The following HSDL2 variants were observed in gnomAD, a reference collection of about 807,000 sequenced individuals.
HSDL2 encodes hydroxysteroid dehydrogenase like 2, also known as hydroxysteroid dehydrogenase-like protein 2.
A neutral mutation model predicts 46.3 loss-of-function variants in HSDL2; 27 were observed. The ratio of observed to expected loss-of-function variants is 0.58; its 90% CI spans 0.43 to 0.80. The LOEUF (loss-of-function observed/expected upper bound fraction) is 0.80. Ranked by LOEUF, HSDL2 falls within the 30% of genes least tolerant of loss-of-function variation. The probability of loss-of-function intolerance (pLI) is 0.00; values close to 1 mark genes in which losing one functional copy is unlikely to be tolerated. For missense variants in HSDL2, 451 were observed against 502.7 expected (o/e 0.90, Z 0.98); for synonymous variants, 153 against 163.6 (o/e 0.94, Z 0.50).
At chr9:112,416,417 C>T (rs890074630) in intron 4 of HSDL2, among the ~76,000 whole-genome samples, 1 of 148,926 alleles carries the variant, frequency 6.7e-6, no homozygotes, top group East Asian at 2.0e-4. Flanking sequence ...AACAGAGAGA[C>T]CCTGTCTTAA....
intron 9 of HSDL2, among the ~76,000 whole-genome samples, chr9:112,457,062 C>T (rs7872686): frequency 0.96 from 145,373 of 152,112 alleles, 69,525 homozygotes; most frequent in African/African-American, 0.98. Context: ...GCAGGAGAAT[C>T]GCTTGAACCC....
intron 4 of HSDL2, among the ~76,000 whole-genome samples, chr9:112,415,323 G>A (rs1473184985): frequency 6.6e-6 from 1 of 152,102 alleles, no homozygotes; most frequent in Non-Finnish European, 1.5e-5. Context: ...ACTAACAACA[G>A]CGATTGTTTA....
At chr9:112,447,272 AATCT>A (rs2062265667) in intron 8 of HSDL2, among the ~76,000 whole-genome samples, 1 of 152,058 alleles carries the variant, frequency 6.6e-6, no homozygotes, top group Non-Finnish European at 1.5e-5. Context: ...GCACCTTTAA[AATCT>A]ATCACAGGTT....
chr9:112,385,257 C>T (rs1831191120), intron 1 of HSDL2, among the ~76,000 whole-genome samples: 1 of 152,018 alleles, frequency 6.6e-6, no homozygotes. Flanking sequence ...AAATGATAGG[C>T]CAGAAATTAA....
chr9:112,391,518 A>T (rs1831343455), intron 1 of HSDL2, among the ~76,000 whole-genome samples: 1 of 152,196 alleles, frequency 6.6e-6, no homozygotes, highest in Non-Finnish European at 1.5e-5. Flanking sequence ...AAAATAGTGA[A>T]AAAGCAAGCC....
chr9:112,450,515 G>T (rs949488284), intron 8 of HSDL2, among the ~76,000 whole-genome samples: 1 of 151,218 alleles, frequency 6.6e-6, no homozygotes, highest in Non-Finnish European at 1.5e-5. Context: ...TGTAATCCCA[G>T]CTATTCGGGA....
At chr9:112,381,088 T>TACACAC (rs111459650) in intron 1 of HSDL2, among the ~76,000 whole-genome samples, 2,401 of 134,212 alleles carry the variant, frequency 0.018, 65 homozygotes, top group African/African-American at 0.055. Flanking sequence ...TACATCCGGA[T>TACACAC]ACACACACAC....
At position 112,457,481 on chromosome 9, in the gene HSDL2, A is replaced by C. The variant is rs186177561; in HGVS notation, c.1016-1968A>C. On this transcript the variant is annotated intron_variant, in intron 9 of 10. Coordinates refer to ENST00000398805, the MANE Select transcript of HSDL2 (RefSeq NM_032303.5). ...CATAGTGAGACCCTGTCTCTACAAA[A>C]ATAAAAATAAAAAATTAGCTGGATC... 3.7e-3 allele frequency among the ~76,000 whole-genome samples: 554 copies of C among 151,772 alleles called. 2 individuals are homozygous for C. Among genetic ancestry groups the C allele is most frequent in the Non-Finnish European group, 6.5e-3 (440 of 67,884 alleles).
rs956257229 is a variant in HSDL2 at position 112,405,559 on chromosome 9, A to G, written c.182-65A>G. The G allele has an allele frequency of 1.5e-5, 17 of 1,134,992 alleles. No homozygotes were observed. The African/African-American group carries it at 1.9e-4, about 13-fold the overall frequency. 70.3% of individuals were successfully genotyped at this position (1,134,992 alleles called of 1,614,324 possible). A position where few individuals can be genotyped will look rare whatever the true frequency, so the allele number is the denominator to read the frequency against. ...GGTACTTTTTTCTTTTGACTGTGAT[A>G]TTGGAATTAAAGGTATAATATTTAA... On this transcript the variant is annotated intron_variant, in intron 2 of 10. Coordinates refer to ENST00000398805, the MANE Select transcript of HSDL2 (RefSeq NM_032303.5).
At position 112,471,111 on chromosome 9, in the gene HSDL2, A is replaced by G. The variant is rs1444934925; in HGVS notation, c.*567A>G. On this transcript the variant is annotated 3_prime_UTR_variant, in exon 11 of 11. Transcript: ENST00000398805. ...TCCAGGTGGACTTAGCCATAGGAAA[A>G]TATTACTAATGTAATTTAACAAATT... The G allele has an allele frequency of 6.6e-6, 1 of 152,248 alleles. No individual in the cohort carries two copies. The highest frequency in any genetic ancestry group is 2.4e-5 in the African/African-American group (1 of 41,462). 9.4% of individuals were successfully genotyped at this position (152,248 alleles called of 1,614,324 possible). A position where few individuals can be genotyped will look rare whatever the true frequency, so the allele number is the denominator to read the frequency against.
intron 3 of HSDL2, among the ~76,000 whole-genome samples, chr9:112,408,096 C>CAGT (rs1831770942): frequency 6.6e-6 from 1 of 152,116 alleles, no homozygotes; most frequent in Non-Finnish European, 1.5e-5. Flanking sequence ...GGGATTGAAA[C>CAGT]AGTAGGTCTT....
At chr9:112,434,096 C>A (rs140941127) in intron 6 of HSDL2, 5 of 152,174 alleles carry the variant, frequency 3.3e-5, no homozygotes, top group Admixed American at 6.6e-5. Flanking sequence ...TTTTATAAGA[C>A]CTGTTTCATG....
chr9:112,382,245 A>G (rs1441950149), intron 1 of HSDL2, among the ~76,000 whole-genome samples: 3 of 152,206 alleles, frequency 2.0e-5, no homozygotes, highest in African/African-American at 7.2e-5. Flanking sequence ...ACCCTGCGAG[A>G]GAGAGTGAGA....
chr9:112,431,940 T>C (rs7029933), intron 6 of HSDL2, among the ~76,000 whole-genome samples: 148,863 of 150,122 alleles, frequency 0.99, 73,811 homozygotes, highest in Middle Eastern at 1. Context: ...AGTGCAGTGG[T>C]GCGATCTCAG....
intron 9 of HSDL2, among the ~76,000 whole-genome samples, chr9:112,458,597 G>A (rs1246950185): frequency 6.6e-6 from 1 of 151,902 alleles, no homozygotes; most frequent in Non-Finnish European, 1.5e-5. Context: ...AAAGAGTCAG[G>A]ATTACAGGTA....
At position 112,471,293 on chromosome 9, in the gene HSDL2, A is replaced by G. The variant is rs1833568540; in HGVS notation, c.*749A>G. Reference sequence around the variant, plus strand: ...TGTGTATCCCCCAATTCATTTGTTGAGGTCCTAACTCCCATTTCTTTTGAA... The same window carrying G: ...TGTGTATCCCCCAATTCATTTGTTGGGGTCCTAACTCCCATTTCTTTTGAA... On this transcript the variant is annotated 3_prime_UTR_variant, in exon 11 of 11. Transcript: ENST00000398805. 1 of 152,192 alleles carries G rather than the reference A, an allele frequency of 6.6e-6. No individual in the cohort carries two copies. Among genetic ancestry groups the G allele is most frequent in the South Asian group, 2.1e-4 (1 of 4,826 alleles). The allele number at this position is 152,192 out of a possible 1,614,324, so 9.4% of individuals were successfully genotyped here.
At position 112,403,979 on chromosome 9, in the gene HSDL2, A is replaced by G; in HGVS notation, c.18-16A>G. The G allele has an allele frequency of 6.2e-7, 1 of 1,611,310 alleles. No homozygotes were observed. Among genetic ancestry groups the G allele is most frequent in the Non-Finnish European group, 8.5e-7 (1 of 1,178,350 alleles). On this transcript the variant is annotated splice_polypyrimidine_tract_variant and intron_variant, in intron 1 of 10. Transcript: ENST00000398805. ...ACATTGGGTCTTCTAATAAGGTCGTATTTGTTCTGTTGTAGGAGGCTGGCA... is the reference window on the plus strand; with the variant it reads ...ACATTGGGTCTTCTAATAAGGTCGTGTTTGTTCTGTTGTAGGAGGCTGGCA...
chr9:112,394,592 T>G (rs550374659), intron 1 of HSDL2, among the ~76,000 whole-genome samples: 1 of 152,172 alleles, frequency 6.6e-6, no homozygotes, highest in Non-Finnish European at 1.5e-5. Flanking sequence ...GACATAGTTT[T>G]CCTATGGGTT....
intron 6 of HSDL2, among the ~76,000 whole-genome samples, chr9:112,422,873 G>A (rs1832155931): frequency 6.6e-6 from 1 of 152,162 alleles, no homozygotes; most frequent in Non-Finnish European, 1.5e-5. Context: ...TACTTACAAA[G>A]GAAAATGATT....
Sources: gnomAD v4.1 joint callset for allele counts (sites outside exome capture counted in the v4.1 genomes callset) on GRCh38, gnomAD v4.1.1 for gene constraint, MANE v1.5 for transcripts, NCBI Gene and HGNC (gene_info 2026-07-23, HGNC 2026-07-21) for gene names.